The following ZNF552 variants were observed in gnomAD, a reference collection of about 807,000 sequenced individuals.
The protein encoded by ZNF552 is zinc finger protein 552.
Under a neutral mutation model 7.2 loss-of-function variants are expected in ZNF552, and 2 were observed. The ratio of observed to expected loss-of-function variants is 0.28; its 90% confidence interval spans 0.11 to 0.88. The LOEUF (loss-of-function observed/expected upper bound fraction) is 0.88, where lower values mean the gene tolerates loss of function less well. Among genes scored for constraint, ZNF552 ranks in the 40% least tolerant of loss-of-function variants. The pLI is 0.60. For synonymous variants in ZNF552, 173 were observed against 176.5 expected (o/e 0.98, Z 0.16); for missense variants, 421 against 493.4 (o/e 0.85, Z 1.39).
rs1406608166 is a variant in ZNF552 at position 57,807,884 on chromosome 19, A to C, written c.*156T>G. 2.7e-6 allele frequency: 3 copies of C among 1,092,418 alleles called. No homozygotes were observed. In the Admixed American group the frequency reaches 8.9e-5, roughly 32 times the overall value. The allele number at this position is 1,092,418 out of a possible 1,614,324, so 67.7% of individuals were successfully genotyped here. The stretch of plus-strand genomic sequence containing the variant: ...AGAGGTGTGGCTACAAAACTGCCCA[A>C]ATTTATTTTACTTGTAAGGACTCTT... On this transcript the variant is annotated 3_prime_UTR_variant, in exon 3 of 3. Coordinates refer to ENST00000391701, the MANE Select transcript of ZNF552 (RefSeq NM_024762.3).
rs1311325116 is a variant in ZNF552, at chr19:57,808,576, GCTGA to G, written c.684_687del (p.Gln229ThrfsTer194). The G allele has an allele frequency of 2.5e-6, 4 of 1,614,158 alleles. No individual in the cohort carries two copies. Among genetic ancestry groups the G allele is most frequent in the South Asian group, 2.2e-5 (2 of 91,082 alleles). The stretch of plus-strand genomic sequence containing the variant: ...TCTTCTGTAGGGAGCAGTCTCTCGT[GCTGA>G]CTGAGTATATCTTTGGTGCTAAAAT... On this transcript the variant is annotated frameshift_variant, in exon 3 of 3. Transcript: ENST00000391701. LOFTEE classifies it low-confidence loss of function (END_TRUNC).
In ZNF552 at chr19:57,814,817, GAGA is replaced by G; in HGVS notation, c.-77_-75del. 1 of 1,466,482 alleles carries G rather than the reference GAGA, an allele frequency of 6.8e-7. No homozygotes were observed. Among genetic ancestry groups the G allele is most frequent in the Non-Finnish European group, 9.4e-7 (1 of 1,068,242 alleles). The allele number at this position is 1,466,482 out of a possible 1,614,324, so 90.8% of individuals were successfully genotyped here. A position where few individuals can be genotyped will look rare whatever the true frequency, so the allele number is the denominator to read the frequency against. ...AGCTGCAGAGTCACGTCTGTGCAAA[GAGA>G]AGAACGACTCTCGACCTCCTGGATC... On this transcript the variant is annotated 5_prime_UTR_variant, in exon 1 of 3. Coordinates refer to ENST00000391701, the MANE Select transcript of ZNF552 (RefSeq NM_024762.3).
At chr19:57,814,445 G>A (rs1383405158) in intron 1 of ZNF552, 4 of 1,426,416 alleles carry the variant, frequency 2.8e-6, no homozygotes, top group South Asian at 1.2e-5. Flanking sequence ...CGCCTCACAG[G>A]TTGTTCCCTA....
intron 2 of ZNF552, among the ~76,000 whole-genome samples, chr19:57,810,966 C>A (rs1417681927): frequency 6.6e-6 from 1 of 152,196 alleles, no homozygotes; most frequent in Non-Finnish European, 1.5e-5. Context: ...GCACTTTTTT[C>A]TTTACCTTGT....
intron 2 of ZNF552, among the ~76,000 whole-genome samples, chr19:57,810,679 C>T (rs1205107730): frequency 1.3e-5 from 2 of 152,128 alleles, no homozygotes; most frequent in African/African-American, 2.4e-5. Context: ...GAGATATGGC[C>T]TCATGGGAAG....
Position 57,808,321 on chromosome 19 carries a change from G to C in ZNF552, c.943C>G (p.Gln315Glu). The C allele has an allele frequency of 6.2e-7, 1 of 1,614,026 alleles. No individual in the cohort carries two copies. The highest frequency in any genetic ancestry group is 8.5e-7 in the Non-Finnish European group (1 of 1,179,946). Residue 315 changes from glutamine to glutamate, a missense_variant, in exon 3 of 3, where the codon CAG becomes GAG. Transcript: ENST00000391701. ...FRHKYHLIAHQRVHTGERPYE... is the reference protein window; with the variant it reads ...FRHKYHLIAHERVHTGERPYE... ...GGCCTTTCTCCAGTGTGAACTCTCT[G>C]GTGTGCAATGAGGTGGTACTTGTGC...
rs773915463 is a variant in ZNF552, at chr19:57,808,006, T to C, written c.*34A>G. 3 of 1,554,618 alleles carry C rather than the reference T, an allele frequency of 1.9e-6. No individual in the cohort carries two copies. The East Asian group carries it at 6.7e-5, about 35-fold the overall frequency. ...CACAGGATCTTACTCAGGTGTGTATTCTCCAATATTTAATGAGACTGGACT... is the reference window on the plus strand; with the variant it reads ...CACAGGATCTTACTCAGGTGTGTATCCTCCAATATTTAATGAGACTGGACT... On this transcript the variant is annotated 3_prime_UTR_variant, in exon 3 of 3. Transcript: ENST00000391701.
At chr19:57,809,666 C>G (rs569850921) in intron 2 of ZNF552, among the ~76,000 whole-genome samples, 3 of 150,900 alleles carry the variant, frequency 2.0e-5, no homozygotes, top group South Asian at 2.1e-4. Context: ...AAAAGTACAA[C>G]TGACAAGGAG....
At chr19:57,813,467 G>C in intron 1 of ZNF552, 47 bp from the exon 2 acceptor site, 1 of 1,592,428 alleles carries the variant, frequency 6.3e-7, no homozygotes, top group Non-Finnish European at 8.6e-7. Context: ...CCTATGCTGA[G>C]GTATCACAAT....
intron 1 of ZNF552, 71 bp from the exon 2 acceptor site, chr19:57,813,491 A>G: frequency 6.5e-7 from 1 of 1,538,020 alleles, no homozygotes; most frequent in Non-Finnish European, 8.9e-7. Context: ...TCTCTCCCAC[A>G]CATCTACTCT....
At chr19:57,811,203 C>G (rs564760293) in intron 2 of ZNF552, among the ~76,000 whole-genome samples, 1 of 151,774 alleles carries the variant, frequency 6.6e-6, no homozygotes. Flanking sequence ...GACGGAGTCT[C>G]GCTCTGTTGC....
In ZNF552 at chr19:57,807,695, C is replaced by T. The variant is rs1301773874; in HGVS notation, c.*345G>A. 1 of 231,950 alleles carries T rather than the reference C, an allele frequency of 4.3e-6. No homozygotes were observed. The highest frequency in any genetic ancestry group is 8.4e-6 in the Non-Finnish European group (1 of 118,396). 14.4% of individuals were successfully genotyped at this position (231,950 alleles called of 1,614,324 possible). On this transcript the variant is annotated 3_prime_UTR_variant, in exon 3 of 3. Coordinates refer to ENST00000391701, the MANE Select transcript of ZNF552 (RefSeq NM_024762.3). The stretch of plus-strand genomic sequence containing the variant: ...ACTGCAGTGTTGCAATCTCGGCTCA[C>T]TGCAACCTCTGCCTCCCAGGCTCAA...
At chr19:57,813,088 C>G in intron 2 of ZNF552, 1 of 777,502 alleles carries the variant, frequency 1.3e-6, no homozygotes, top group East Asian at 2.9e-5. Context: ...ACTTCTGACT[C>G]TGAATTCTTC....
In ZNF552 at chr19:57,813,436, C is replaced by T. The variant is rs1987895711; in HGVS notation, c.34-16G>A. The T allele has an allele frequency of 6.2e-7, 1 of 1,610,442 alleles. No homozygotes were observed. The highest frequency in any genetic ancestry group is 1.7e-5 in the Admixed American group (1 of 59,924). ...TCACTGTGCCCTGTTATGATGTTGA[C>T]AGATGAAACCACAAACCACCCCTAT... On this transcript the variant is annotated splice_polypyrimidine_tract_variant and intron_variant, in intron 1 of 2. Transcript: ENST00000391701.
Position 57,808,099 on chromosome 19 carries a change from A to AT in ZNF552, c.1164dup (p.Phe389IlefsTer2). 12 of 1,613,804 alleles carry AT rather than the reference A, an allele frequency of 7.4e-6. No individual in the cohort carries two copies. The highest frequency in any genetic ancestry group is 9.3e-6 in the Non-Finnish European group (11 of 1,179,908). On this transcript the variant is annotated frameshift_variant, in exon 3 of 3. Transcript: ENST00000391701. LOFTEE classifies it low-confidence loss of function (END_TRUNC). ...TGACGAAGTGAAGAGATTTGCCTAAATTTTTTTTCACATTCACTGCACCCG... is the reference window on the plus strand; with the variant it reads ...TGACGAAGTGAAGAGATTTGCCTAAATTTTTTTTTCACATTCACTGCACCCG...
chr19:57,808,869 C>G lies in ZNF552; in HGVS notation c.395G>C (p.Gly132Ala), dbSNP rs753010820. 8 of 1,613,754 alleles carry G rather than the reference C, an allele frequency of 5.0e-6. No homozygotes were observed. In the South Asian group the frequency reaches 7.7e-5, roughly 16 times the overall value. Residue 132 changes from glycine to alanine, a missense_variant, in exon 3 of 3, where the codon GGA becomes GCA. Transcript: ENST00000391701. ...EAWGNKLYDS[G>A]NFHQHQNEHI... ...CTCATTCTGGTGCTGATGAAAGTTTCCACTGTCATACAATTTATTCCCCCA... is the reference window on the plus strand; with the variant it reads ...CTCATTCTGGTGCTGATGAAAGTTTGCACTGTCATACAATTTATTCCCCCA...
At position 57,812,792 on chromosome 19, in the gene ZNF552, C is replaced by T. The variant is rs894135898; in HGVS notation, c.160+502G>A. Among the ~76,000 whole-genome samples, 3 of 152,306 alleles carry T rather than the reference C, an allele frequency of 2.0e-5. No individual in the cohort carries two copies. The East Asian group carries it at 5.8e-4, about 29-fold the overall frequency. On this transcript the variant is annotated intron_variant, in intron 2 of 2. Transcript: ENST00000391701. ...CCATGTCGGCCAGGCTGTTCTCGAA[C>T]TCCTGGCCTCAAGTAATCCACCTAC...
rs188959835 is a variant in ZNF552 at position 57,814,009 on chromosome 19, C to A, written c.34-589G>T. 6.6e-3 allele frequency among the ~76,000 whole-genome samples: 1,006 copies of A among 152,108 alleles called. 13 individuals carry two copies. Among genetic ancestry groups the A allele is most frequent in the African/African-American group, 0.023 (963 of 41,492 alleles). ...TAGGCCTCCCAAAGTGCTGGGATTA[C>A]AGGAGTGAGCCACTGCACCCGGCCC... On this transcript the variant is annotated intron_variant, in intron 1 of 2. Coordinates refer to ENST00000391701, the MANE Select transcript of ZNF552 (RefSeq NM_024762.3).
At chr19:57,814,097 G>C (rs1987912812) in intron 1 of ZNF552, among the ~76,000 whole-genome samples, 1 of 152,084 alleles carries the variant, frequency 6.6e-6, no homozygotes, top group Non-Finnish European at 1.5e-5. Flanking sequence ...CCTGAGGGAA[G>C]AGGCTGACTT....
Sources: gnomAD v4.1 joint callset for allele counts (sites outside exome capture counted in the v4.1 genomes callset) on GRCh38, gnomAD v4.1.1 for gene constraint, MANE v1.5 for transcripts, NCBI Gene and HGNC (gene_info 2026-07-23, HGNC 2026-07-21) for gene names.